Variants in GALNT2 observed in about 807,000 individuals in gnomAD.
The protein encoded by GALNT2 is polypeptide N-acetylgalactosaminyltransferase 2, also known as UDP-GalNAc:polypeptide N-acetylgalactosaminyltransferase 2.
Under a neutral mutation model 81.4 loss-of-function variants are expected in GALNT2, and 31 were observed. The ratio of observed to expected loss-of-function variants is 0.38; its 90% CI spans 0.29 to 0.51. The LOEUF is 0.51. Ranked by LOEUF, GALNT2 falls within the 20% of genes least tolerant of loss-of-function variation. The pLI, the probability that GALNT2 is intolerant of heterozygous loss-of-function variation, is 0.87. For missense variants in GALNT2, 629 were observed against 765.7 expected (o/e 0.82, Z 2.11); for synonymous variants, 303 against 287.4 (o/e 1.05, Z -0.55).
intron 1 of GALNT2, among the ~76,000 whole-genome samples, chr1:230,155,319 C>T (rs528947839): frequency 4.6e-5 from 7 of 152,290 alleles, no homozygotes; most frequent in African/African-American, 1.2e-4. Context: ...TGCAGGTTTT[C>T]GCTCGGAGGT....
intron 1 of GALNT2, among the ~76,000 whole-genome samples, chr1:230,096,507 C>T (rs1162173058): frequency 6.6e-6 from 1 of 152,178 alleles, no homozygotes; most frequent in East Asian, 1.9e-4. Flanking sequence ...CCCCTCTCTC[C>T]CTTCTTTCTG....
chr1:230,217,299 A>G (rs1429186936), intron 3 of GALNT2, among the ~76,000 whole-genome samples: 1 of 152,204 alleles, frequency 6.6e-6, no homozygotes, highest in Non-Finnish European at 1.5e-5. Flanking sequence ...TTAGGCAAAG[A>G]CCTGAGGGAA....
At chr1:230,109,429 G>C (rs1193493270) in intron 1 of GALNT2, among the ~76,000 whole-genome samples, 1 of 152,102 alleles carries the variant, frequency 6.6e-6, no homozygotes. Context: ...ACAGGTTCTT[G>C]GGGGACAGAG....
At chr1:230,162,403 A>G (rs1662463091) in intron 1 of GALNT2, among the ~76,000 whole-genome samples, 1 of 152,244 alleles carries the variant, frequency 6.6e-6, no homozygotes, top group Non-Finnish European at 1.5e-5. Context: ...AATTCTAAAT[A>G]TAGTTCTTTC....
chr1:230,127,221 G>T (rs899980442), intron 1 of GALNT2, among the ~76,000 whole-genome samples: 1 of 151,868 alleles, frequency 6.6e-6, no homozygotes, highest in Non-Finnish European at 1.5e-5. Flanking sequence ...CGCTGGTGCT[G>T]TGTGATAAAC....
At chr1:230,234,527 A>C (rs932829200) in intron 3 of GALNT2, among the ~76,000 whole-genome samples, 1 of 152,224 alleles carries the variant, frequency 6.6e-6, no homozygotes, top group Non-Finnish European at 1.5e-5. Context: ...TGGGACAGAC[A>C]AACAGGCCCC....
intron 3 of GALNT2, among the ~76,000 whole-genome samples, chr1:230,213,070 A>G (rs1226931005): frequency 1.3e-5 from 2 of 152,208 alleles, no homozygotes; most frequent in African/African-American, 2.4e-5. Context: ...CAGTTTCCCC[A>G]TCTGTAACTC....
At position 230,079,274 on chromosome 1, in the gene GALNT2, C is replaced by G. The variant is rs978615506; in HGVS notation, c.126+11868C>G. On this transcript the variant is annotated intron_variant, in intron 1 of 15. Transcript: ENST00000366672. ...CTGTAAGGTATAATTCCTGGTACTT[C>G]AAATTTATGTCAGCTTTGTCTCTGA... Among the ~76,000 whole-genome samples the G allele has an allele frequency of 4.6e-5, 7 of 152,362 alleles. No individual in the cohort carries two copies. The South Asian group carries it at 1.4e-3, about 32-fold the overall frequency.
At chr1:230,061,178 A>T (rs895468078) in intron 1 of GALNT2, among the ~76,000 whole-genome samples, 9 of 137,086 alleles carry the variant, frequency 6.6e-5, no homozygotes, top group African/African-American at 2.4e-4. Flanking sequence ...AAATATGCAT[A>T]CATATGAGCA....
chr1:230,254,170 C>G (rs1036731170), intron 10 of GALNT2, among the ~76,000 whole-genome samples: 1 of 152,062 alleles, frequency 6.6e-6, no homozygotes, highest in South Asian at 2.1e-4. Flanking sequence ...TCAGTCGGAC[C>G]CCTGACTCAG....
chr1:230,172,073 A>G (rs1336367660), intron 1 of GALNT2, among the ~76,000 whole-genome samples: 1 of 152,218 alleles, frequency 6.6e-6, no homozygotes, highest in Non-Finnish European at 1.5e-5. Context: ...GGCTAGTCTC[A>G]GCTCCACCAA....
At chr1:230,208,753 G>A (rs1332609093) in intron 3 of GALNT2, among the ~76,000 whole-genome samples, 1 of 152,232 alleles carries the variant, frequency 6.6e-6, no homozygotes, top group East Asian at 1.9e-4. Context: ...ATAATTTTAT[G>A]AAGCTATGCG....
intron 1 of GALNT2, among the ~76,000 whole-genome samples, chr1:230,078,341 C>G (rs998921992): frequency 6.6e-6 from 1 of 152,260 alleles, no homozygotes; most frequent in East Asian, 1.9e-4. Context: ...TCATGGAGTT[C>G]ATTCTACTGT....
chr1:230,190,176 C>T (rs1014457728), intron 2 of GALNT2, among the ~76,000 whole-genome samples: 3 of 152,222 alleles, frequency 2.0e-5, no homozygotes, highest in Non-Finnish European at 2.9e-5. Context: ...GTGTATTGTA[C>T]GTTTTAGAAA....
At position 230,257,984 on chromosome 1, in the gene GALNT2, G is replaced by A. The variant is rs887165578; in HGVS notation, c.1136+2640G>A. Among the ~76,000 whole-genome samples, 4 of 152,084 alleles carry A rather than the reference G, an allele frequency of 2.6e-5. No homozygotes were observed. Among genetic ancestry groups the A allele is most frequent in the Admixed American group, 6.6e-5 (1 of 15,250 alleles). On this transcript the variant is annotated intron_variant, in intron 11 of 15. Coordinates refer to ENST00000366672, the MANE Select transcript of GALNT2 (RefSeq NM_004481.5). The surrounding 1 kb of genome is among the most constrained non-coding windows in gnomAD (Gnocchi z 4.6). ...GGCTGGAGTGCAAAGGTGCGATCTC[G>A]GCTCACTGCAACCTCCACTTCCCAG... is the stretch of plus-strand genomic sequence containing the variant.
upstream of GALNT2, among the ~76,000 whole-genome samples, chr1:230,066,294 T>C (rs150282154): frequency 3.9e-4 from 59 of 152,386 alleles, no homozygotes; most frequent in African/African-American, 1.3e-3. Context: ...CAAGGTTACA[T>C]AGATTATGTT....
intron 14 of GALNT2, among the ~76,000 whole-genome samples, chr1:230,273,746 C>T (rs1451113998): frequency 2.0e-5 from 3 of 152,142 alleles, no homozygotes; most frequent in African/African-American, 7.2e-5. Flanking sequence ...TCAGTTTTCT[C>T]ATCTATAAAA....
intron 3 of GALNT2, 92 bp from the exon 4 acceptor site, chr1:230,235,922 A>C: frequency 1.9e-6 from 2 of 1,074,266 alleles, no homozygotes. Flanking sequence ...TGTCCATCCC[A>C]GTTGGTCAGT....
chr1:230,063,920 G>T (rs1476157638), upstream of GALNT2, among the ~76,000 whole-genome samples: 1 of 152,160 alleles, frequency 6.6e-6, no homozygotes, highest in Non-Finnish European at 1.5e-5. Flanking sequence ...TCTGATGTGG[G>T]TTGGTCTCAG....
Sources: allele counts gnomAD v4.1 joint callset (sites outside exome capture counted in the v4.1 genomes callset), GRCh38; gene constraint gnomAD v4.1.1; non-coding constraint Gnocchi (gnomAD v3.1); transcripts MANE v1.5; gene names NCBI Gene and HGNC (gene_info 2026-07-23, HGNC 2026-07-21).